ASS1: variants seen among roughly 807,000 people sequenced by gnomAD.
ASS1 encodes the protein argininosuccinate synthase 1, also known as argininosuccinate synthase.
A neutral mutation model predicts 60.5 loss-of-function variants in ASS1; 58 were observed. That is an observed-to-expected ratio of 0.96 (90% CI 0.78 to 1.19). The LOEUF (loss-of-function observed/expected upper bound fraction) is 1.19, where lower values mean the gene tolerates loss of function less well. ASS1 is among the 50% of genes most tolerant of loss of function. The pLI, the probability that ASS1 is intolerant of heterozygous loss-of-function variation, is 0.00. For synonymous variants in ASS1, 200 were observed against 206.9 expected (o/e 0.97, Z 0.29); for missense variants, 454 against 547.3 (o/e 0.83, Z 1.70).
Position 130,470,992 on chromosome 9 carries a change from C to A in ASS1, c.566+88C>A, listed in dbSNP as rs493389. 1 of 1,461,756 alleles carries A rather than the reference C, an allele frequency of 6.8e-7. No individual in the cohort carries two copies. The highest frequency in any genetic ancestry group is 9.6e-7 in the Non-Finnish European group (1 of 1,044,640). 90.5% of individuals were successfully genotyped at this position (1,461,756 alleles called of 1,614,324 possible). A position where few individuals can be genotyped will look rare whatever the true frequency, so the allele number is the denominator to read the frequency against. ...CTGCCCCAGGACGTCCTGGTGACCCCCACACCAGTGGTCCCTGCCCTCGGG... is the reference window on the plus strand; with the variant it reads ...CTGCCCCAGGACGTCCTGGTGACCCACACACCAGTGGTCCCTGCCCTCGGG... On this transcript the variant is annotated intron_variant, in intron 7 of 14. Coordinates refer to ENST00000352480, the MANE Select transcript of ASS1 (RefSeq NM_054012.4). The surrounding 1 kb of genome is among the most constrained non-coding windows in gnomAD (Gnocchi z 4.3).
intron 1 of ASS1, among the ~76,000 whole-genome samples, chr9:130,447,229 G>C (rs1845216272): frequency 6.6e-6 from 1 of 152,228 alleles, no homozygotes; most frequent in South Asian, 2.1e-4. Context: ...GGAAGGCCTA[G>C]TGCAGGGAAG....
At chr9:130,484,393 C>T (rs1207696513) in intron 11 of ASS1, among the ~76,000 whole-genome samples, 1 of 151,982 alleles carries the variant, frequency 6.6e-6, no homozygotes. Flanking sequence ...CTGCTTGGTC[C>T]ACTCTCCCCC....
At position 130,499,588 on chromosome 9, in the gene ASS1, C is replaced by T; in HGVS notation, c.1193+18C>T. ...TCCCTCAGGTGAGAAGCTCAGGGCC[C>T]TGACGGGCCTTCAGAGCCTCCAGGT... On this transcript the variant is annotated intron_variant, in intron 14 of 14. Coordinates refer to ENST00000352480, the MANE Select transcript of ASS1 (RefSeq NM_054012.4). 1 of 1,609,942 alleles carries T rather than the reference C, an allele frequency of 6.2e-7. No individual in the cohort carries two copies. Among genetic ancestry groups the T allele is most frequent in the African/African-American group, 1.3e-5 (1 of 74,986 alleles).
At chr9:130,461,096 C>G (rs1379705276) in intron 4 of ASS1, among the ~76,000 whole-genome samples, 1 of 149,992 alleles carries the variant, frequency 6.7e-6, no homozygotes, top group Non-Finnish European at 1.5e-5. Flanking sequence ...AGAAGGCATA[C>G]AAGCCGAGGG....
chr9:130,453,834 G>A (rs1414127457), intron 2 of ASS1, among the ~76,000 whole-genome samples: 2 of 152,332 alleles, frequency 1.3e-5, no homozygotes, highest in African/African-American at 2.4e-5. Flanking sequence ...TCCTGAGCAC[G>A]GGCTTCTCTG....
intron 8 of ASS1, among the ~76,000 whole-genome samples, chr9:130,472,551 G>C (rs754161818): frequency 6.6e-6 from 1 of 152,130 alleles, no homozygotes; most frequent in Admixed American, 6.5e-5. Flanking sequence ...GCGAGGGAAC[G>C]GGCCCTGGGG....
chr9:130,466,418 G>A (rs997177380), intron 5 of ASS1: 16 of 471,824 alleles, frequency 3.4e-5, no homozygotes, highest in South Asian at 1.3e-4. Flanking sequence ...CATGAACCCC[G>A]TCTAGTTCAA....
chr9:130,471,412 G>C, intron 7 of ASS1, 73 bp from the exon 8 acceptor site: 6 of 1,549,090 alleles, frequency 3.9e-6, no homozygotes, highest in Non-Finnish European at 5.4e-6. Context: ...GCACAATGGG[G>C]TGTGTGTGTT....
At chr9:130,481,500 T>C (rs1409930331) in intron 11 of ASS1, among the ~76,000 whole-genome samples, 1 of 152,192 alleles carries the variant, frequency 6.6e-6, no homozygotes, top group African/African-American at 2.4e-5. Context: ...ACTAAGATTC[T>C]AAAATCCAAA....
Position 130,476,849 on chromosome 9 carries a change from ACCAC to A in ASS1, c.598-21_598-18del, listed in dbSNP as rs1442645611. The A allele has an allele frequency of 6.2e-7, 1 of 1,606,616 alleles. No homozygotes were observed. Among genetic ancestry groups the A allele is most frequent in the South Asian group, 1.1e-5 (1 of 90,934 alleles). ...CCAGGGACTGGTATGTCATCTGCCC[ACCAC>A]TTTCTGTCTTTTTTCAGAACCAAGC... is the stretch of plus-strand genomic sequence containing the variant. On this transcript the variant is annotated intron_variant, in intron 8 of 14. Transcript: ENST00000352480. This position sits in a 1 kb window ranked among gnomAD's most constrained non-coding sequence, Gnocchi z 4.9.
At chr9:130,475,542 G>A (rs956809585) in intron 8 of ASS1, among the ~76,000 whole-genome samples, 1 of 152,118 alleles carries the variant, frequency 6.6e-6, no homozygotes, top group African/African-American at 2.4e-5. Flanking sequence ...ACCTCGCGGG[G>A]CTCCTGTCCT....
rs1413779631 is a variant in ASS1, at chr9:130,470,079, A to C, written c.496-755A>C. Reference sequence around the variant, plus strand: ...GCTGGATTCCAGTCGGGCGTCATCAAGGGTGGTGCGGGTCCCCAGGGCGAC... The same window carrying C: ...GCTGGATTCCAGTCGGGCGTCATCACGGGTGGTGCGGGTCCCCAGGGCGAC... On this transcript the variant is annotated intron_variant, in intron 6 of 14. Transcript: ENST00000352480. This position sits in a 1 kb window ranked among gnomAD's most constrained non-coding sequence, Gnocchi z 4.3. 6.6e-6 allele frequency among the ~76,000 whole-genome samples: 1 copy of C among 152,134 alleles called. No homozygotes were observed. Among genetic ancestry groups the C allele is most frequent in the East Asian group, 1.9e-4 (1 of 5,178 alleles).
intron 8 of ASS1, among the ~76,000 whole-genome samples, chr9:130,475,159 C>T (rs146590821): frequency 1.3e-5 from 2 of 152,252 alleles, no homozygotes; most frequent in African/African-American, 4.8e-5. Flanking sequence ...AACACAGAGC[C>T]ACAGGCAAAT....
intron 14 of ASS1, among the ~76,000 whole-genome samples, chr9:130,500,049 G>A (rs1054635896): frequency 2.0e-5 from 3 of 152,178 alleles, no homozygotes; most frequent in Non-Finnish European, 4.4e-5. Flanking sequence ...TTGATCCTCT[G>A]TGAGTCACCA....
chr9:130,465,709 G>C (rs760092181), intron 5 of ASS1, among the ~76,000 whole-genome samples: 1 of 152,230 alleles, frequency 6.6e-6, no homozygotes, highest in Non-Finnish European at 1.5e-5. Flanking sequence ...CTCTTTCCCC[G>C]TCCCTTTAAC....
intron 8 of ASS1, among the ~76,000 whole-genome samples, chr9:130,473,799 C>A (rs1041937648): frequency 1.3e-5 from 2 of 152,128 alleles, no homozygotes; most frequent in Non-Finnish European, 2.9e-5. Context: ...GCAGCTAATG[C>A]GAAGAAAGAT....
chr9:130,489,267 G>A lies in ASS1; in HGVS notation c.839-66G>A. 1 of 1,571,336 alleles carries A rather than the reference G, an allele frequency of 6.4e-7. No individual in the cohort carries two copies. The highest frequency in any genetic ancestry group is 8.7e-7 in the Non-Finnish European group (1 of 1,151,436). On this transcript the variant is annotated intron_variant, in intron 11 of 14. Coordinates refer to ENST00000352480, the MANE Select transcript of ASS1 (RefSeq NM_054012.4). This position sits in a 1 kb window ranked among gnomAD's most constrained non-coding sequence, Gnocchi z 4.1. ...ATTATTTTTTTTTTTGTCATTTGCT[G>A]ACAGTTTGGGTTTCATGCGTTTCTC...
In ASS1 at chr9:130,480,988, C is replaced by T. The variant is rs147844947; in HGVS notation, c.838+539C>T. 4.7e-4 allele frequency among the ~76,000 whole-genome samples: 72 copies of T among 152,206 alleles called. 1 individual carries two copies. Among genetic ancestry groups the T allele is most frequent in the African/African-American group, 1.1e-3 (44 of 41,566 alleles). On this transcript the variant is annotated intron_variant, in intron 11 of 14. Coordinates refer to ENST00000352480, the MANE Select transcript of ASS1 (RefSeq NM_054012.4). ...GGCTGTGCCACAGTTGGGGCTGTGC[C>T]GCAGTTGAGGCTGAGCTTCAGTGTG...
intron 4 of ASS1, among the ~76,000 whole-genome samples, chr9:130,460,557 G>T (rs970902234): frequency 2.0e-5 from 3 of 152,180 alleles, no homozygotes; most frequent in Non-Finnish European, 4.4e-5. Flanking sequence ...GTGAATAATG[G>T]CATGGAAGAG....
Sources: gnomAD v4.1 joint callset for allele counts (sites outside exome capture counted in the v4.1 genomes callset) on GRCh38, gnomAD v4.1.1 for gene constraint, Gnocchi (gnomAD v3.1) non-coding constraint, MANE v1.5 for transcripts, NCBI Gene and HGNC (gene_info 2026-07-23, HGNC 2026-07-21) for gene names.